The following SEPTIN8 variants were observed in gnomAD, a reference collection of about 807,000 sequenced individuals.
SEPTIN8 encodes the protein septin 8.
Under a neutral mutation model 53.1 loss-of-function variants are expected in SEPTIN8, and 22 were observed. That is an observed-to-expected ratio of 0.41 (90% CI 0.30 to 0.59). The LOEUF is 0.59. SEPTIN8 is among the 20% of genes least tolerant of loss of function. The pLI is 0.24. For synonymous variants in SEPTIN8, 228 were observed against 248.4 expected (o/e 0.92, Z 0.77); for missense variants, 536 against 638.7 (o/e 0.84, Z 1.73).
chr5:132,778,567 A>G (rs1757969290), upstream of SEPTIN8, among the ~76,000 whole-genome samples: 4 of 152,294 alleles, frequency 2.6e-5, no homozygotes, highest in South Asian at 8.3e-4. Context: ...TATTAAAGTT[A>G]TCTACAAGAA....
chr5:132,770,963 A>T (rs142734991), intron 1 of SEPTIN8, among the ~76,000 whole-genome samples: 131 of 152,240 alleles, frequency 8.6e-4, no homozygotes, highest in African/African-American at 3.0e-3. Context: ...CTGTGTCATC[A>T]TTTCTTTGGC....
chr5:132,771,139 G>T (rs1318256682), intron 1 of SEPTIN8, among the ~76,000 whole-genome samples: 1 of 152,208 alleles, frequency 6.6e-6, no homozygotes, highest in East Asian at 1.9e-4. Flanking sequence ...TCCTAGAGCA[G>T]CCCTCATCAC....
chr5:132,766,397 G>C (rs1011197574), intron 1 of SEPTIN8, among the ~76,000 whole-genome samples: 1 of 152,208 alleles, frequency 6.6e-6, no homozygotes, highest in Non-Finnish European at 1.5e-5. Context: ...GGGGCCACTG[G>C]AGGTGGCCCA....
rs1272926450 is a variant in SEPTIN8, at chr5:132,751,769, T to G, written c.*247A>C. ...AAAGCAGACTTTTTTTTTTTTTTGGTCCCGGAGTGGAAGCTCAGCTTGGCC... is the reference window on the plus strand; with the variant it reads ...AAAGCAGACTTTTTTTTTTTTTTGGGCCCGGAGTGGAAGCTCAGCTTGGCC... On this transcript the variant is annotated 3_prime_UTR_variant, in exon 10 of 10. Transcript: ENST00000378719. 1.6e-6 allele frequency: 1 copy of G among 623,218 alleles called. No homozygotes were observed. The allele number at this position is 623,218 out of a possible 1,614,324, so 38.6% of individuals were successfully genotyped here. A position where few individuals can be genotyped will look rare whatever the true frequency, so the allele number is the denominator to read the frequency against.
In SEPTIN8 at chr5:132,760,280, C is replaced by T. The variant is rs941957651; in HGVS notation, c.1286+522G>A. On this transcript the variant is annotated intron_variant, in intron 9 of 9. Transcript: ENST00000378719. The surrounding 1 kb of genome is among the most constrained non-coding windows in gnomAD (Gnocchi z 5.2). Reference sequence around the variant, plus strand: ...ACAGGTGTCCAAGCAGAAACCACCACGGCTTTTGGAATCTGGCTGGAGATG... The same window carrying T: ...ACAGGTGTCCAAGCAGAAACCACCATGGCTTTTGGAATCTGGCTGGAGATG... 3.9e-5 allele frequency among the ~76,000 whole-genome samples: 6 copies of T among 152,070 alleles called. No individual in the cohort carries two copies. The highest frequency in any genetic ancestry group is 3.9e-4 in the East Asian group (2 of 5,150).
At chr5:132,769,616 T>C (rs921987929) in intron 1 of SEPTIN8, among the ~76,000 whole-genome samples, 6 of 152,108 alleles carry the variant, frequency 3.9e-5, no homozygotes, top group African/African-American at 1.4e-4. Flanking sequence ...CCCTATGACA[T>C]AGGCCGTAGC....
At chr5:132,765,124 A>G (rs572990140) in intron 2 of SEPTIN8, among the ~76,000 whole-genome samples, 6 of 152,206 alleles carry the variant, frequency 3.9e-5, no homozygotes, top group African/African-American at 1.4e-4. Context: ...AAATGAACAA[A>G]CAAATGAATA....
intron 9 of SEPTIN8, chr5:132,758,051 T>G: frequency 1.0e-6 from 1 of 995,712 alleles, no homozygotes; most frequent in South Asian, 4.5e-5. Flanking sequence ...AGACAACAGC[T>G]TTGGGCTGCT....
chr5:132,751,752 CTT>C lies in SEPTIN8; in HGVS notation c.*262_*263del, dbSNP rs879047407. The C allele has an allele frequency of 0.022, 11,127 of 511,948 alleles. No individual in the cohort carries two copies. The highest frequency in any genetic ancestry group is 0.036 in the South Asian group (1,402 of 39,062). The allele number at this position is 511,948 out of a possible 1,614,324, so 31.7% of individuals were successfully genotyped here. ...CATAACGATGATGTCACAAAGCAGA[CTT>C]TTTTTTTTTTTTGGTCCCGGAGTGG... On this transcript the variant is annotated 3_prime_UTR_variant, in exon 10 of 10. Coordinates refer to ENST00000378719, the MANE Select transcript of SEPTIN8 (RefSeq NM_001098811.2).
chr5:132,759,000 G>T (rs1378936553), intron 9 of SEPTIN8: 1 of 745,998 alleles, frequency 1.3e-6, no homozygotes, highest in Non-Finnish European at 2.4e-6. Context: ...CAGGCTAAGG[G>T]TCAAGATCTG....
intron 9 of SEPTIN8, chr5:132,758,919 A>G: frequency 8.7e-7 from 1 of 1,146,822 alleles, no homozygotes; most frequent in South Asian, 1.2e-5. Context: ...CAAGATGGAC[A>G]CCGTGAAAGG....
In SEPTIN8 at chr5:132,751,130, A is replaced by C; in HGVS notation, c.*886T>G. On this transcript the variant is annotated 3_prime_UTR_variant, in exon 10 of 10. Coordinates refer to ENST00000378719, the MANE Select transcript of SEPTIN8 (RefSeq NM_001098811.2). ...ATGCACCACAGTGAGGTGACGCACA[A>C]GGCTCATGACATACGGAAGAGTGAA... 1 of 967,286 alleles carries C rather than the reference A, an allele frequency of 1.0e-6. No individual in the cohort carries two copies. Among genetic ancestry groups the C allele is most frequent in the Non-Finnish European group, 1.5e-6 (1 of 653,306 alleles). The allele number at this position is 967,286 out of a possible 1,614,324, so 59.9% of individuals were successfully genotyped here.
At chr5:132,759,646 G>A (rs997408358) in intron 9 of SEPTIN8, among the ~76,000 whole-genome samples, 3 of 152,216 alleles carry the variant, frequency 2.0e-5, no homozygotes, top group Non-Finnish European at 2.9e-5. Context: ...GGAAGGGCCT[G>A]GGCATACACA....
In SEPTIN8 at chr5:132,764,403, G is replaced by C. The variant is rs1402615428; in HGVS notation, c.168C>G (p.Gly56=). 2 of 1,613,362 alleles carry C rather than the reference G, an allele frequency of 1.2e-6. No individual in the cohort carries two copies. Among genetic ancestry groups the C allele is most frequent in the Non-Finnish European group, 1.7e-6 (2 of 1,179,590 alleles). ...NILCVGETGI[G]KSTLMNTLFN... Reference sequence around the variant, plus strand: ...AGAGTGTGTTCATCAGTGTGGATTTGCCAATGCCGGTCTCCCCTGGGCAGT... The same window carrying C: ...AGAGTGTGTTCATCAGTGTGGATTTCCCAATGCCGGTCTCCCCTGGGCAGT... Residue 56 remains glycine (G), a synonymous_variant, in exon 3 of 10, where the codon GGC becomes GGG. Transcript: ENST00000378719.
chr5:132,759,112 C>T (rs750388805), intron 9 of SEPTIN8: 2 of 551,208 alleles, frequency 3.6e-6, no homozygotes, highest in Non-Finnish European at 3.5e-6. Flanking sequence ...ACCCCTGCCC[C>T]CATTCCAAAA....
At chr5:132,758,705 C>T (rs1013955997) in intron 9 of SEPTIN8, 25 of 1,604,960 alleles carry the variant, frequency 1.6e-5, no homozygotes, top group South Asian at 2.2e-5. Flanking sequence ...GAGTCTGTAC[C>T]GGCTCCCAGT....
In SEPTIN8 at chr5:132,761,413, T is replaced by C; in HGVS notation, c.962+45A>G. ...GGAACAGATGCCAGGGTGGTGTGTC[T>C]GGCCACAGCTGTGAAGACAGGCTCA... is the stretch of plus-strand genomic sequence containing the variant. On this transcript the variant is annotated intron_variant, in intron 7 of 9. Coordinates refer to ENST00000378719, the MANE Select transcript of SEPTIN8 (RefSeq NM_001098811.2). The surrounding 1 kb of genome is among the most constrained non-coding windows in gnomAD (Gnocchi z 5.8). The C allele has an allele frequency of 6.3e-7, 1 of 1,590,294 alleles. No homozygotes were observed. Among genetic ancestry groups the C allele is most frequent in the Non-Finnish European group, 8.5e-7 (1 of 1,169,606 alleles).
chr5:132,750,944 G>C lies in SEPTIN8; in HGVS notation c.*1072C>G. On this transcript the variant is annotated 3_prime_UTR_variant, in exon 10 of 10. Coordinates refer to ENST00000378719, the MANE Select transcript of SEPTIN8 (RefSeq NM_001098811.2). ...GCTGAGGATGGAGCTGGCTATTCTG[G>C]ACAGACTGCACTGGGACCTCTATAT... is the stretch of plus-strand genomic sequence containing the variant. 6.2e-7 allele frequency: 1 copy of C among 1,614,250 alleles called. No individual in the cohort carries two copies. The highest frequency in any genetic ancestry group is 8.5e-7 in the Non-Finnish European group (1 of 1,180,044).
intron 1 of SEPTIN8, among the ~76,000 whole-genome samples, chr5:132,771,269 G>T (rs1757292278): frequency 6.6e-6 from 1 of 152,184 alleles, no homozygotes; most frequent in Non-Finnish European, 1.5e-5. Flanking sequence ...GAAATCTACT[G>T]AATCTCTAAA....
Sources: gnomAD v4.1 joint callset for allele counts (sites outside exome capture counted in the v4.1 genomes callset) on GRCh38, gnomAD v4.1.1 for gene constraint, Gnocchi (gnomAD v3.1) non-coding constraint, MANE v1.5 for transcripts, NCBI Gene and HGNC (gene_info 2026-07-23, HGNC 2026-07-21) for gene names.